Variants in FKBP9 observed in about 807,000 individuals in gnomAD.
FKBP9 encodes the protein FKBP prolyl isomerase 9, also known as peptidyl-prolyl cis-trans isomerase FKBP9.
In FKBP9, 27 loss-of-function variants were observed where a neutral mutation model predicts 55.6. That is an observed-to-expected ratio of 0.49 (90% CI 0.36 to 0.67). The LOEUF is 0.67. Ranked by LOEUF, FKBP9 falls within the 30% of genes least tolerant of loss-of-function variation. FKBP9 has a pLI of 0.00. For synonymous variants in FKBP9, 267 were observed against 296.5 expected, an observed-to-expected ratio of 0.90 and a Z score of 1.02; for missense variants, 539 against 742.8, an observed-to-expected ratio of 0.73 and a Z score of 3.19.
chr7:32,965,686 T>G (rs1035668167), intron 1 of FKBP9, among the ~76,000 whole-genome samples: 24 of 146,850 alleles, frequency 1.6e-4, no homozygotes, highest in Admixed American at 1.5e-3. Context: ...TAATCCCAGC[T>G]ACTCAGGAGG....
chr7:32,963,029 A>G (rs1226186493), intron 1 of FKBP9, among the ~76,000 whole-genome samples: 3 of 152,216 alleles, frequency 2.0e-5, no homozygotes, highest in African/African-American at 4.8e-5. Flanking sequence ...AGTATTATGC[A>G]TAGATACCTC....
In FKBP9 at chr7:32,974,690, G is replaced by T. The variant is rs768442183; in HGVS notation, c.295G>T (p.Val99Phe). The T allele has an allele frequency of 5.6e-6, 9 of 1,614,002 alleles. No homozygotes were observed. In the South Asian group the frequency reaches 7.7e-5, roughly 14 times the overall value. ...GATCACAGGGATGGACCAGGCTCTT[G>T]TTGGGATGTGCGTAAACGAGAGACG... is the stretch of plus-strand genomic sequence containing the variant. ...QLITGMDQAL[V>F]GMCVNERRFV... The change falls in exon 2 of 10, where the codon GTT becomes TTT. Residue 99 changes from valine (V) to phenylalanine (F), a missense_variant. Val to Phe is a conservative substitution (Grantham distance 50, BLOSUM62 -1). Coordinates refer to ENST00000242209, the MANE Select transcript of FKBP9 (RefSeq NM_007270.5).
intron 1 of FKBP9, chr7:32,963,463 T>G (rs2127976148): frequency 2.1e-6 from 1 of 466,130 alleles, no homozygotes; most frequent in Non-Finnish European, 3.6e-6. Flanking sequence ...GATGGACTGA[T>G]AGTGTAAGTA....
chr7:32,974,463 A>G (rs1303326525), intron 1 of FKBP9, 154 bp from the exon 2 acceptor site: 1 of 598,240 alleles, frequency 1.7e-6, no homozygotes. Flanking sequence ...AGTACTGTCC[A>G]GTGGAGATGT....
chr7:32,979,446 C>G, intron 4 of FKBP9: 1 of 1,375,438 alleles, frequency 7.3e-7, no homozygotes, highest in East Asian at 2.5e-5. Context: ...AGCCGGCTTT[C>G]AGCAGATTTC....
intron 5 of FKBP9, among the ~76,000 whole-genome samples, chr7:32,982,445 G>A (rs989628466): frequency 6.6e-6 from 1 of 152,224 alleles, no homozygotes; most frequent in South Asian, 2.1e-4. Context: ...CTTGATTTTT[G>A]TTACTCTGGG....
rs1227576286 is a variant in FKBP9 at position 32,965,350 on chromosome 7, C to T, written c.221+7556C>T. 2.0e-5 allele frequency among the ~76,000 whole-genome samples: 3 copies of T among 152,062 alleles called. No individual in the cohort carries two copies. In the East Asian group the frequency reaches 5.9e-4, roughly 30 times the overall value. ...TTTGCCATGTTGCCCAGGCTGGTCT[C>T]GAACTCCTGAGCTCAAGTGATCCAC... On this transcript the variant is annotated intron_variant, in intron 1 of 9. Coordinates refer to ENST00000242209, the MANE Select transcript of FKBP9 (RefSeq NM_007270.5).
chr7:32,972,859 AC>A (rs1409592903), intron 1 of FKBP9, among the ~76,000 whole-genome samples: 3 of 152,114 alleles, frequency 2.0e-5, no homozygotes, highest in Non-Finnish European at 4.4e-5. Context: ...AGTAGCTGGG[AC>A]TACAGGTGCA....
chr7:32,974,691 T>A lies in FKBP9; in HGVS notation c.296T>A (p.Val99Asp), dbSNP rs774021986. 1.2e-5 allele frequency: 20 copies of A among 1,613,804 alleles called. No individual in the cohort carries two copies. The highest frequency in any genetic ancestry group is 1.6e-5 in the Non-Finnish European group (19 of 1,179,844). The change falls in exon 2 of 10, where the codon GTT (valine) becomes GAT (aspartate). Residue 99 changes from valine to aspartate, a missense_variant. Coordinates refer to ENST00000242209, the MANE Select transcript of FKBP9 (RefSeq NM_007270.5). ...QLITGMDQAL[V>D]GMCVNERRFV... is the part of the protein sequence containing the mutation. ...ATCACAGGGATGGACCAGGCTCTTG[T>A]TGGGATGTGCGTAAACGAGAGACGT...
At chr7:32,961,133 A>G (rs1234512083) in intron 1 of FKBP9, among the ~76,000 whole-genome samples, 2 of 152,178 alleles carry the variant, frequency 1.3e-5, no homozygotes, top group African/African-American at 4.8e-5. Flanking sequence ...AGGTTTAACT[A>G]TATATTTTTG....
At chr7:32,971,471 T>C (rs1784252607) in intron 1 of FKBP9, among the ~76,000 whole-genome samples, 1 of 152,066 alleles carries the variant, frequency 6.6e-6, no homozygotes, top group South Asian at 2.1e-4. Context: ...CTTTCTTCCT[T>C]TCTTCCTTTC....
intron 5 of FKBP9, among the ~76,000 whole-genome samples, 163 bp downstream of exon 5, chr7:32,980,716 T>C (rs1468700399): frequency 1.3e-5 from 2 of 151,988 alleles, no homozygotes; most frequent in African/African-American, 2.4e-5. Context: ...TTTCCTCCCT[T>C]CCTTCCTTCC....
At chr7:32,983,495 G>T (rs184516558) in intron 5 of FKBP9, among the ~76,000 whole-genome samples, 104 of 150,948 alleles carry the variant, frequency 6.9e-4, no homozygotes, top group African/African-American at 2.3e-3. Flanking sequence ...TTGTATTTTT[G>T]ATAGAGACAG....
intron 4 of FKBP9, 53 bp downstream of exon 4, chr7:32,976,552 A>G: frequency 6.5e-7 from 1 of 1,549,296 alleles, no homozygotes; most frequent in Non-Finnish European, 8.7e-7. Flanking sequence ...TTTTTATTGC[A>G]GTGGTTAATT....
intron 1 of FKBP9, among the ~76,000 whole-genome samples, chr7:32,961,451 G>A (rs1218537734): frequency 2.6e-5 from 4 of 152,182 alleles, no homozygotes; most frequent in African/African-American, 9.7e-5. Flanking sequence ...CAAGTTCCCA[G>A]CTGATGCTAC....
At chr7:32,996,946 C>A in intron 7 of FKBP9, among the ~76,000 whole-genome samples, 1 of 151,266 alleles carries the variant, frequency 6.6e-6, no homozygotes, top group Non-Finnish European at 1.5e-5. Flanking sequence ...AGGCACCCGC[C>A]ACCGCGCCTG....
intron 1 of FKBP9, among the ~76,000 whole-genome samples, chr7:32,958,134 C>A (rs139042799): frequency 0.01 from 1,553 of 152,280 alleles, 17 homozygotes; most frequent in Middle Eastern, 0.034. Context: ...CACAACTGGA[C>A]CCCCAAGAGT....
At position 32,959,351 on chromosome 7, in the gene FKBP9, G is replaced by A. The variant is rs146737798; in HGVS notation, c.221+1557G>A. 6.3e-3 allele frequency among the ~76,000 whole-genome samples: 960 copies of A among 152,346 alleles called. 13 individuals are homozygous for A. Among genetic ancestry groups the A allele is most frequent in the African/African-American group, 0.022 (910 of 41,576 alleles). On this transcript the variant is annotated intron_variant, in intron 1 of 9. Coordinates refer to ENST00000242209, the MANE Select transcript of FKBP9 (RefSeq NM_007270.5). ...ACCTGGGAGGCGGAGCCTGCAGTGA[G>A]CCGAGACGTGCCACTGCACTCCAAC...
chr7:32,984,927 T>G (rs1296586440), intron 5 of FKBP9, among the ~76,000 whole-genome samples: 1 of 152,228 alleles, frequency 6.6e-6, no homozygotes, highest in African/African-American at 2.4e-5. Flanking sequence ...CTTTACCTTC[T>G]ATCTATTCCT....
Sources: gnomAD v4.1 joint callset for allele counts (sites outside exome capture counted in the v4.1 genomes callset) on GRCh38, gnomAD v4.1.1 for gene constraint, MANE v1.5 for transcripts, NCBI Gene and HGNC (gene_info 2026-07-23, HGNC 2026-07-21) for gene names.